LUZP1: variants seen among roughly 807,000 people sequenced by gnomAD.
LUZP1 encodes leucine zipper protein 1.
LUZP1 carries 25 observed loss-of-function variants against 71.3 expected under a neutral mutation model. The ratio of observed to expected loss-of-function variants is 0.35; its 90% CI spans 0.26 to 0.49. The LOEUF (loss-of-function observed/expected upper bound fraction) is 0.49. Ranked by LOEUF, LUZP1 falls within the 20% of genes least tolerant of loss-of-function variation. The pLI is 0.99. For synonymous variants in LUZP1, 481 were observed against 506.4 expected (o/e 0.95, Z 0.67); for missense variants, 1,142 against 1,300.8 (o/e 0.88, Z 1.88).
chr1:23,138,239 G>A (rs1352859383), intron 2 of LUZP1, among the ~76,000 whole-genome samples: 1 of 152,140 alleles, frequency 6.6e-6, no homozygotes, highest in Non-Finnish European at 1.5e-5. Context: ...TTCCCAAAGA[G>A]CTAGGATTAC....
chr1:23,177,073 TG>T (rs10548114), intron 1 of LUZP1, among the ~76,000 whole-genome samples: 31,366 of 143,928 alleles, frequency 0.22, 3,540 homozygotes, highest in Middle Eastern at 0.33. Flanking sequence ...GTAAGGATGA[TG>T]GGGGGGGGGT....
At chr1:23,149,875 T>C (rs1039621972) in intron 2 of LUZP1, among the ~76,000 whole-genome samples, 8 of 144,604 alleles carry the variant, frequency 5.5e-5, no homozygotes, top group African/African-American at 7.8e-5. Flanking sequence ...GGCAGGAGAA[T>C]TGCTTGAACC....
intron 3 of LUZP1, among the ~76,000 whole-genome samples, chr1:23,102,221 G>A (rs1643937725): frequency 6.6e-6 from 1 of 152,116 alleles, no homozygotes; most frequent in African/African-American, 2.4e-5. Flanking sequence ...TTAGTACCTG[G>A]CTCAGTTCTA....
At chr1:23,139,019 A>AAACATATAT (rs1317355746) in intron 2 of LUZP1, among the ~76,000 whole-genome samples, 3 of 59,962 alleles carry the variant, frequency 5.0e-5, no homozygotes, top group Non-Finnish European at 8.1e-5. Context: ...AAAAAAAAAA[A>AAACATATAT]ATATATATAT....
At chr1:23,092,543 G>A (rs748585011) in exon 4 of LUZP1, 2 of 1,614,196 alleles carry the variant, frequency 1.2e-6, no homozygotes, top group Admixed American at 1.7e-5. Flanking sequence ...CTTCTGAGGA[G>A]GATCTTCGAG....
chr1:23,128,765 C>A (rs991060935), intron 2 of LUZP1, among the ~76,000 whole-genome samples: 1 of 152,176 alleles, frequency 6.6e-6, no homozygotes, highest in African/African-American at 2.4e-5. Context: ...TAACCCTGGC[C>A]TCATTGTGGG....
At chr1:23,102,868 T>G (rs898162848) in intron 3 of LUZP1, among the ~76,000 whole-genome samples, 1 of 152,212 alleles carries the variant, frequency 6.6e-6, no homozygotes, top group African/African-American at 2.4e-5. Context: ...CAATCTCTGA[T>G]CTAAAGGATA....
intron 2 of LUZP1, among the ~76,000 whole-genome samples, chr1:23,149,678 G>C (rs1012044586): frequency 2.0e-5 from 3 of 152,066 alleles, no homozygotes; most frequent in Non-Finnish European, 2.9e-5. Flanking sequence ...TTTTAAAAAT[G>C]TTTAGAAGTA....
intron 2 of LUZP1, among the ~76,000 whole-genome samples, chr1:23,146,318 T>C (rs140895871): frequency 6.6e-6 from 1 of 152,350 alleles, no homozygotes; most frequent in African/African-American, 2.4e-5. Flanking sequence ...GCCCAGCCCA[T>C]GCACCATTAT....
intron 1 of LUZP1, among the ~76,000 whole-genome samples, chr1:23,169,326 G>C (rs1249237690): frequency 6.6e-6 from 1 of 152,226 alleles, no homozygotes. Context: ...GTGGGTGACA[G>C]AGTGAGACCC....
At chr1:23,100,647 G>C (rs2124617215) in intron 3 of LUZP1, among the ~76,000 whole-genome samples, 1 of 152,284 alleles carries the variant, frequency 6.6e-6, no homozygotes, top group South Asian at 2.1e-4. Context: ...AGATCATTTA[G>C]TCAACTGGTT....
chr1:23,106,899 T>G (rs1643986636), intron 3 of LUZP1, among the ~76,000 whole-genome samples: 1 of 152,218 alleles, frequency 6.6e-6, no homozygotes. Flanking sequence ...GTCACTCCTC[T>G]GCTCTAAGCT....
intron 2 of LUZP1, among the ~76,000 whole-genome samples, chr1:23,165,579 CGTG>C (rs1293037933): frequency 6.6e-6 from 1 of 151,586 alleles, no homozygotes; most frequent in Non-Finnish European, 1.5e-5. Flanking sequence ...AGAAGGCTGA[CGTG>C]GGAAAATCAC....
At position 23,094,463 on chromosome 1, in the gene LUZP1, T is replaced by C. The variant is rs1569863153; in HGVS notation, c.-119-83A>G. ...TCCCAGTTATAGAAAAGTGCTCCTA[T>C]CTGTTCCTGGTGCCTGGATCATAGC... On this transcript the variant is annotated intron_variant, in intron 3 of 4. Coordinates refer to ENST00000302291, the Ensembl canonical transcript of LUZP1. The surrounding 1 kb of genome is among the most constrained non-coding windows in gnomAD (Gnocchi z 4.7). 8 of 1,045,274 alleles carry C rather than the reference T, an allele frequency of 7.7e-6. No homozygotes were observed. In the East Asian group the frequency reaches 2.4e-4, roughly 31 times the overall value. The allele number at this position is 1,045,274 out of a possible 1,614,324, so 64.7% of individuals were successfully genotyped here. A position where few individuals can be genotyped will look rare whatever the true frequency, so the allele number is the denominator to read the frequency against.
intron 2 of LUZP1, among the ~76,000 whole-genome samples, chr1:23,158,446 C>T (rs1309540886): frequency 2.0e-5 from 3 of 151,518 alleles, no homozygotes; most frequent in Admixed American, 6.6e-5. Flanking sequence ...GTCAGGAGTT[C>T]GAGACCAGCC....
At chr1:23,103,215 G>T (rs1222695071) in intron 3 of LUZP1, among the ~76,000 whole-genome samples, 1 of 151,804 alleles carries the variant, frequency 6.6e-6, no homozygotes. Context: ...AAAGTACTGG[G>T]ATTACAGACG....
chr1:23,177,446 G>A (rs1241111165), intron 1 of LUZP1: 1 of 152,196 alleles, frequency 6.6e-6, no homozygotes, highest in East Asian at 1.9e-4. Context: ...ACCCCGAGTT[G>A]CATCCTGGCC....
chr1:23,147,998 A>C (rs1402708782), intron 2 of LUZP1, among the ~76,000 whole-genome samples: 2 of 152,210 alleles, frequency 1.3e-5, no homozygotes, highest in Non-Finnish European at 2.9e-5. Flanking sequence ...GCAAACCCTT[A>C]TCTCTTAATA....
intron 1 of LUZP1, among the ~76,000 whole-genome samples, chr1:23,173,767 G>C (rs538456861): frequency 6.6e-6 from 1 of 152,074 alleles, no homozygotes; most frequent in African/African-American, 2.4e-5. Flanking sequence ...GTGGGCATCT[G>C]AGCCACCTGT....
Sources: allele counts gnomAD v4.1 joint callset (sites outside exome capture counted in the v4.1 genomes callset), GRCh38; gene constraint gnomAD v4.1.1; non-coding constraint Gnocchi (gnomAD v3.1); transcripts MANE v1.5; gene names NCBI Gene and HGNC (gene_info 2026-07-23, HGNC 2026-07-21).